C1GALT1: variants seen among roughly 807,000 people sequenced by gnomAD.
The protein encoded by C1GALT1 is core 1 synthase, glycoprotein-N-acetylgalactosamine 3-beta-galactosyltransferase 1.
A neutral mutation model predicts 31.0 loss-of-function variants in C1GALT1; 11 were observed. The ratio of observed to expected loss-of-function variants is 0.36; its 90% confidence interval spans 0.22 to 0.59. The LOEUF (loss-of-function observed/expected upper bound fraction) is 0.59. Among genes scored for constraint, C1GALT1 ranks in the 20% least tolerant of loss-of-function variants. C1GALT1 has a pLI of 0.79. For synonymous variants in C1GALT1, 175 were observed against 143.6 expected, an observed-to-expected ratio of 1.22 and a Z score of -1.56; for missense variants, 424 against 425.2, an observed-to-expected ratio of 1.00 and a Z score of 0.03.
At chr7:7,224,324 T>C (rs1782653722) in intron 1 of C1GALT1, among the ~76,000 whole-genome samples, 1 of 151,994 alleles carries the variant, frequency 6.6e-6, no homozygotes, top group Admixed American at 6.6e-5. Context: ...ATGAACTTGA[T>C]AAAATGAATT....
intron 3 of C1GALT1, among the ~76,000 whole-genome samples, chr7:7,239,836 A>G (rs1381142696): frequency 1.3e-5 from 2 of 152,344 alleles, no homozygotes; most frequent in South Asian, 4.1e-4. Flanking sequence ...TTTTAAATAA[A>G]TATCTTTCTA....
intron 1 of C1GALT1, among the ~76,000 whole-genome samples, chr7:7,183,992 A>C (rs1780705598): frequency 6.6e-6 from 1 of 152,188 alleles, no homozygotes; most frequent in Non-Finnish European, 1.5e-5. Context: ...GCATAATTTC[A>C]AGTTGCTTCA....
At chr7:7,217,761 C>A (rs749278907) in intron 1 of C1GALT1, among the ~76,000 whole-genome samples, 1 of 152,270 alleles carries the variant, frequency 6.6e-6, no homozygotes, top group Non-Finnish European at 1.5e-5. Flanking sequence ...GCAGCCTTGT[C>A]CTGAGCTCAC....
chr7:7,242,823 T>C (rs1335510783), intron 3 of C1GALT1, among the ~76,000 whole-genome samples: 1 of 152,124 alleles, frequency 6.6e-6, no homozygotes, highest in Non-Finnish European at 1.5e-5. Context: ...CCTGATATGA[T>C]TTTTCAGTCA....
chr7:7,178,436 T>C (rs542872905), upstream of C1GALT1: 2 of 181,594 alleles, frequency 1.1e-5, no homozygotes, highest in South Asian at 2.4e-4. Flanking sequence ...GCAGACAAGA[T>C]GGCTGTCTGG....
chr7:7,229,518 A>G (rs1782966026), intron 1 of C1GALT1, among the ~76,000 whole-genome samples: 1 of 152,290 alleles, frequency 6.6e-6, no homozygotes, highest in South Asian at 2.1e-4. Flanking sequence ...TTGATCATGT[A>G]TACTGCTAAA....
At chr7:7,158,761 G>C (rs1231767297) in intron 2 of C1GALT1, among the ~76,000 whole-genome samples, 2 of 151,894 alleles carry the variant, frequency 1.3e-5, no homozygotes, top group African/African-American at 4.8e-5. Flanking sequence ...GGTCAAATAA[G>C]TGTTTGTTCC....
chr7:7,190,148 AAGG>A (rs1780999843), intron 1 of C1GALT1, among the ~76,000 whole-genome samples: 1 of 152,204 alleles, frequency 6.6e-6, no homozygotes, highest in African/African-American at 2.4e-5. Context: ...ATTTCTAAAG[AAGG>A]AACCAGGGTT....
At chr7:7,231,491 C>T (rs918459557) in intron 1 of C1GALT1, among the ~76,000 whole-genome samples, 2 of 151,984 alleles carry the variant, frequency 1.3e-5, no homozygotes, top group Non-Finnish European at 2.9e-5. Flanking sequence ...TTGCTCAATT[C>T]TTTTTCAATC....
At chr7:7,219,750 T>G (rs1381550080) in intron 1 of C1GALT1, among the ~76,000 whole-genome samples, 8 of 152,182 alleles carry the variant, frequency 5.3e-5, no homozygotes, top group African/African-American at 1.9e-4. Flanking sequence ...TATTTTGGTT[T>G]ATTTTCTTCT....
intron 1 of C1GALT1, among the ~76,000 whole-genome samples, chr7:7,210,241 G>A (rs953090234): frequency 8.8e-6 from 1 of 113,030 alleles, no homozygotes; most frequent in Non-Finnish European, 1.9e-5. Context: ...CTGGAATTGT[G>A]GGACTATTTT....
chr7:7,161,249 A>T (rs1310061359), intron 2 of C1GALT1, among the ~76,000 whole-genome samples: 1 of 152,122 alleles, frequency 6.6e-6, no homozygotes, highest in Non-Finnish European at 1.5e-5. Flanking sequence ...TTTTGGGGAG[A>T]TCATCCAAAT....
At chr7:7,206,544 C>T (rs1781746970) in intron 1 of C1GALT1, among the ~76,000 whole-genome samples, 1 of 151,852 alleles carries the variant, frequency 6.6e-6, no homozygotes, top group Non-Finnish European at 1.5e-5. Context: ...GGTATGGTGG[C>T]ATACTGCTGT....
At chr7:7,193,669 A>G (rs58687412) in intron 1 of C1GALT1, among the ~76,000 whole-genome samples, 5,002 of 151,832 alleles carry the variant, frequency 0.033, 185 homozygotes, top group African/African-American at 0.091. Flanking sequence ...GTTCCTTTTC[A>G]GTTTCATATG....
intron 1 of C1GALT1, among the ~76,000 whole-genome samples, chr7:7,196,101 A>G (rs528361833): frequency 6.6e-6 from 1 of 152,278 alleles, no homozygotes; most frequent in Middle Eastern, 3.4e-3. Flanking sequence ...TCTAGGGTAC[A>G]TGTGCACAAC....
At chr7:7,159,104 CT>C (rs1048314730) in intron 2 of C1GALT1, among the ~76,000 whole-genome samples, 2 of 151,826 alleles carry the variant, frequency 1.3e-5, no homozygotes, top group Non-Finnish European at 2.9e-5. Flanking sequence ...TTTAATGGGA[CT>C]TAGAAACAGG....
chr7:7,196,749 C>T (rs1044060892), intron 1 of C1GALT1, among the ~76,000 whole-genome samples: 13 of 152,132 alleles, frequency 8.5e-5, no homozygotes, highest in South Asian at 2.1e-4. Flanking sequence ...TTTTAATGAT[C>T]GCCATTCTAA....
intron 1 of C1GALT1, among the ~76,000 whole-genome samples, chr7:7,225,726 G>GCAAA (rs1583813991): frequency 6.6e-6 from 1 of 152,122 alleles, no homozygotes; most frequent in African/African-American, 2.4e-5. Context: ...CAATCTCTCA[G>GCAAA]CAAACATTAA....
At chr7:7,175,938 T>C (rs1264159992) in intron 2 of C1GALT1, among the ~76,000 whole-genome samples, 1 of 152,144 alleles carries the variant, frequency 6.6e-6, no homozygotes, top group Non-Finnish European at 1.5e-5. Context: ...TCCCCTCATT[T>C]TACCTTTATT....
Sources: allele counts gnomAD v4.1 joint callset (sites outside exome capture counted in the v4.1 genomes callset), GRCh38; gene constraint gnomAD v4.1.1; transcripts MANE v1.5; gene names NCBI Gene and HGNC (gene_info 2026-07-23, HGNC 2026-07-21).